The following DNAH7 variants were observed in gnomAD, a reference collection of about 807,000 sequenced individuals.
DNAH7 encodes the protein dynein axonemal heavy chain 7, also known as axonemal beta dynein heavy chain 7.
A neutral mutation model predicts 444.6 loss-of-function variants in DNAH7; 397 were observed. The ratio of observed to expected loss-of-function variants is 0.89; its 90% confidence interval spans 0.82 to 0.97. The LOEUF (loss-of-function observed/expected upper bound fraction) is 0.97. DNAH7 is among the 50% of genes least tolerant of loss of function. DNAH7 has a pLI of 0.00. For missense variants in DNAH7, 4,902 were observed against 4,800.8 expected, an observed-to-expected ratio of 1.02 and a Z score of -0.62; for synonymous variants, 1,636 against 1,624.4, an observed-to-expected ratio of 1.01 and a Z score of -0.17.
chr2:195,825,090 A>C (rs1697668448), intron 48 of DNAH7: 1 of 152,312 alleles, frequency 6.6e-6, no homozygotes, highest in Non-Finnish European at 1.5e-5. Context: ...CAGCCTAGGC[A>C]ACATGGCGAG....
chr2:195,830,704 T>G (rs924603657), intron 48 of DNAH7, among the ~76,000 whole-genome samples: 1 of 152,330 alleles, frequency 6.6e-6, no homozygotes, highest in South Asian at 2.1e-4. Context: ...ATCCACCAGA[T>G]GGATGGAAGA....
At chr2:195,907,055 T>C (rs566772893) in intron 25 of DNAH7, 46 bp from the exon 26 acceptor site, 4 of 1,438,056 alleles carry the variant, frequency 2.8e-6, no homozygotes, top group Non-Finnish European at 3.9e-6. Flanking sequence ...TCTGATTCAA[T>C]GTTGCAATGA....
intron 24 of DNAH7, among the ~76,000 whole-genome samples, chr2:195,910,406 T>C (rs1331219015): frequency 6.6e-6 from 1 of 152,198 alleles, no homozygotes; most frequent in Non-Finnish European, 1.5e-5. Flanking sequence ...ATATGCCACA[T>C]TGAGAACAAA....
chr2:196,060,090 C>T (rs192218371), intron 1 of DNAH7, among the ~76,000 whole-genome samples: 521 of 152,110 alleles, frequency 3.4e-3, no homozygotes, highest in Middle Eastern at 0.01. Flanking sequence ...TGGTGGCAGG[C>T]GCCTGTAGTC....
At chr2:196,004,782 TCACACACACA>T (rs58787682) in intron 10 of DNAH7, among the ~76,000 whole-genome samples, 7 of 146,198 alleles carry the variant, frequency 4.8e-5, no homozygotes, top group Non-Finnish European at 7.6e-5. Context: ...AGGGTCTGTC[TCACACACACA>T]CACACACACA....
At chr2:196,025,537 T>G (rs187151345) in intron 7 of DNAH7, among the ~76,000 whole-genome samples, 1 of 152,252 alleles carries the variant, frequency 6.6e-6, no homozygotes, top group East Asian at 1.9e-4. Context: ...GCGTCTGCTA[T>G]CATTCACACC....
rs1237053810 is a variant in DNAH7, at chr2:195,827,572, G to A, written c.9101-3127C>T. Among the ~76,000 whole-genome samples, 4 of 151,460 alleles carry A rather than the reference G, an allele frequency of 2.6e-5. No individual in the cohort carries two copies. The East Asian group carries it at 7.8e-4, about 30-fold the overall frequency. ...GCTGGGATTACAGGTGTGAACTACT[G>A]CCTCCAGCCTATTTTATTTTATTTT... On this transcript the variant is annotated intron_variant, in intron 48 of 64. Coordinates refer to ENST00000312428, the MANE Select transcript of DNAH7 (RefSeq NM_018897.3).
chr2:195,769,888 T>C (rs1694756156), intron 61 of DNAH7, among the ~76,000 whole-genome samples: 1 of 152,192 alleles, frequency 6.6e-6, no homozygotes, highest in African/African-American at 2.4e-5. Context: ...AGCCTTGACT[T>C]CCCTCTTGAA....
chr2:195,754,781 G>A (rs1259550515), intron 62 of DNAH7, among the ~76,000 whole-genome samples: 1 of 152,136 alleles, frequency 6.6e-6, no homozygotes, highest in Non-Finnish European at 1.5e-5. Flanking sequence ...CCAGAGTGCT[G>A]GGATTACAGG....
intron 58 of DNAH7, among the ~76,000 whole-genome samples, chr2:195,778,630 AAATAAAT>A (rs1349319352): frequency 8.2e-5 from 2 of 24,502 alleles, no homozygotes; most frequent in African/African-American, 2.7e-4. Flanking sequence ...AAAAAAAAAA[AAATAAAT>A]AAATAAATAT....
At chr2:195,816,601 A>G (rs1559117238) in intron 51 of DNAH7, 27 bp downstream of exon 51, 11 of 1,516,156 alleles carry the variant, frequency 7.3e-6, no homozygotes, top group Non-Finnish European at 1.0e-5. Context: ...TAATTAGTTA[A>G]TATTAACTAG....
chr2:195,741,071 C>A, intron 63 of DNAH7: 2 of 270,072 alleles, frequency 7.4e-6, no homozygotes, highest in Non-Finnish European at 1.4e-5. Flanking sequence ...TGAAATAAGA[C>A]AATAGTAAAA....
chr2:195,864,821 C>CAA lies in DNAH7; in HGVS notation c.6833_6834insTT (p.Arg2278SerfsTer18), dbSNP rs1294602817. The CAA allele has an allele frequency of 1.2e-6, 2 of 1,614,140 alleles. No individual in the cohort carries two copies. Among genetic ancestry groups the CAA allele is most frequent in the South Asian group, 2.2e-5 (2 of 91,080 alleles). Reference sequence around the variant, plus strand: ...CGATTTCTCTGTAGTTGGTATCCTCCCTCTTGGGATCATGGAAATCACAAA... The same window carrying CAA: ...CGATTTCTCTGTAGTTGGTATCCTCCAACTCTTGGGATCATGGAAATCACAAA... On this transcript the variant is annotated frameshift_variant, in exon 41 of 65. Coordinates refer to ENST00000312428, the MANE Select transcript of DNAH7 (RefSeq NM_018897.3). LOFTEE classifies it high-confidence loss of function.
chr2:195,859,450 G>T, intron 42 of DNAH7, among the ~76,000 whole-genome samples: 1 of 151,976 alleles, frequency 6.6e-6, no homozygotes, highest in East Asian at 1.9e-4. Context: ...AATTTAATCT[G>T]CATTTATCTG....
intron 54 of DNAH7, among the ~76,000 whole-genome samples, chr2:195,800,645 T>C (rs1041586798): frequency 6.6e-6 from 1 of 152,200 alleles, no homozygotes; most frequent in Non-Finnish European, 1.5e-5. Context: ...CAGGAGACAT[T>C]GTCGCCTGGC....
chr2:195,880,430 G>A (rs1701310274), intron 36 of DNAH7, among the ~76,000 whole-genome samples: 1 of 151,214 alleles, frequency 6.6e-6, no homozygotes, highest in African/African-American at 2.4e-5. Context: ...CTGGGTTCAA[G>A]CGATTCTCCT....
At chr2:195,855,542 T>C (rs1449873092) in intron 45 of DNAH7, among the ~76,000 whole-genome samples, 4 of 152,206 alleles carry the variant, frequency 2.6e-5, no homozygotes, top group African/African-American at 9.6e-5. Context: ...ATTTTAGTCT[T>C]TGTGAGCCAA....
intron 54 of DNAH7, among the ~76,000 whole-genome samples, chr2:195,802,607 T>G (rs144693690): frequency 3.6e-4 from 55 of 152,050 alleles, no homozygotes; most frequent in Middle Eastern, 6.8e-3. Context: ...AGGTGGAGGT[T>G]GCACTGAGAG....
intron 21 of DNAH7, among the ~76,000 whole-genome samples, chr2:195,933,754 T>TG (rs1205075400): frequency 1.4e-4 from 4 of 28,044 alleles, no homozygotes; most frequent in African/African-American, 6.0e-4. Flanking sequence ...TGTTGTGGGG[T>TG]GGGGGGTGGG....
Sources: allele counts gnomAD v4.1 joint callset (sites outside exome capture counted in the v4.1 genomes callset), GRCh38; gene constraint gnomAD v4.1.1; transcripts MANE v1.5; gene names NCBI Gene and HGNC (gene_info 2026-07-23, HGNC 2026-07-21).